Variants in BASP1 observed in about 807,000 individuals in gnomAD.
BASP1 encodes brain acid soluble protein 1.
In BASP1, 1 loss-of-function variant was observed where a neutral mutation model predicts 2.2. The ratio of observed to expected loss-of-function variants is 0.46; its 90% CI spans 0.16 to 2.17. The LOEUF (loss-of-function observed/expected upper bound fraction) is 2.17. BASP1 is among the 30% of genes most tolerant of loss of function. BASP1 has a pLI of 0.27. For synonymous variants in BASP1, 187 were observed against 154.2 expected (o/e 1.21, Z -1.58); for missense variants, 352 against 327.2 (o/e 1.08, Z -0.58).
intron 1 of BASP1, among the ~76,000 whole-genome samples, chr5:17,234,891 T>C (rs551798258): frequency 5.9e-5 from 9 of 152,340 alleles, no homozygotes; most frequent in Non-Finnish European, 8.8e-5. Context: ...AGATATTCAA[T>C]TGGCTATTAT....
At chr5:17,264,373 A>T (rs1335853727) in intron 1 of BASP1, among the ~76,000 whole-genome samples, 1 of 152,124 alleles carries the variant, frequency 6.6e-6, no homozygotes, top group African/African-American at 2.4e-5. Context: ...TATAAACCCA[A>T]CTTGTTGGTG....
At chr5:17,221,320 G>A (rs1196103295) in intron 1 of BASP1, among the ~76,000 whole-genome samples, 2 of 147,470 alleles carry the variant, frequency 1.4e-5, no homozygotes, top group Non-Finnish European at 3.0e-5. Context: ...CTAAATAAAA[G>A]ATTTATAAAA....
At chr5:17,219,713 T>C (rs1461101474) in intron 1 of BASP1, among the ~76,000 whole-genome samples, 2 of 152,222 alleles carry the variant, frequency 1.3e-5, no homozygotes, top group Non-Finnish European at 2.9e-5. Context: ...TCGAACAAGA[T>C]GGCCTACAAA....
intron 1 of BASP1, among the ~76,000 whole-genome samples, chr5:17,237,513 T>C (rs150735961): frequency 6.6e-6 from 1 of 152,186 alleles, no homozygotes; most frequent in African/African-American, 2.4e-5. Flanking sequence ...AGAAAGAAAA[T>C]TGCCTAAATC....
chr5:17,233,242 A>G (rs1021268841), intron 1 of BASP1, among the ~76,000 whole-genome samples: 2 of 152,198 alleles, frequency 1.3e-5, no homozygotes, highest in Non-Finnish European at 1.5e-5. Context: ...GAAATATAAG[A>G]TATTCTCATA....
intron 1 of BASP1, among the ~76,000 whole-genome samples, chr5:17,261,764 C>T (rs956886759): frequency 6.6e-6 from 1 of 152,202 alleles, no homozygotes; most frequent in Non-Finnish European, 1.5e-5. Flanking sequence ...ATCCTATCTT[C>T]CCATAGATAT....
At chr5:17,243,867 A>T (rs1367177502) in intron 1 of BASP1, among the ~76,000 whole-genome samples, 5 of 152,204 alleles carry the variant, frequency 3.3e-5, no homozygotes, top group Non-Finnish European at 7.3e-5. Context: ...AGAAAACAAA[A>T]CACTGCTGTG....
intron 1 of BASP1, among the ~76,000 whole-genome samples, chr5:17,226,679 C>T (rs1290127658): frequency 6.6e-6 from 1 of 152,184 alleles, no homozygotes; most frequent in African/African-American, 2.4e-5. Flanking sequence ...ATGTTCTCAG[C>T]TATTTCATTA....
At chr5:17,247,267 T>G (rs549194784) in intron 1 of BASP1, among the ~76,000 whole-genome samples, 7 of 152,240 alleles carry the variant, frequency 4.6e-5, no homozygotes, top group Non-Finnish European at 1.0e-4. Flanking sequence ...GTCAGTTGGA[T>G]TTCCGAATGT....
chr5:17,252,941 A>G lies in BASP1; in HGVS notation c.-9-22267A>G, dbSNP rs138826812. On this transcript the variant is annotated intron_variant, in intron 1 of 1. Transcript: ENST00000322611. ...ATGCAGTTTCTGTTGCAGCTCCTCA[A>G]CTCTGCTCTTGAGTGTGAAAGCACT... is the stretch of plus-strand genomic sequence containing the variant. 3.2e-3 allele frequency among the ~76,000 whole-genome samples: 482 copies of G among 152,134 alleles called. 4 individuals carry two copies. The highest frequency in any genetic ancestry group is 0.011 in the African/African-American group (461 of 41,500).
At chr5:17,253,901 C>T (rs1284338348) in intron 1 of BASP1, among the ~76,000 whole-genome samples, 1 of 151,878 alleles carries the variant, frequency 6.6e-6, no homozygotes, top group Non-Finnish European at 1.5e-5. Context: ...ACAGAGAAAT[C>T]CTTCAACATT....
At chr5:17,217,230 G>A (rs938361107), upstream of BASP1, among the ~76,000 whole-genome samples, 10 of 97,174 alleles carry the variant, frequency 1.0e-4, 1 homozygote, top group Admixed American at 3.2e-4. Context: ...TTTAGGAAAC[G>A]TTGGCGGGGC....
At chr5:17,257,530 TC>T (rs1400395633) in intron 1 of BASP1, among the ~76,000 whole-genome samples, 2 of 152,166 alleles carry the variant, frequency 1.3e-5, no homozygotes, top group Non-Finnish European at 2.9e-5. Flanking sequence ...CTGAACTATA[TC>T]CTTTACTGCA....
chr5:17,273,501 TCCC>T (rs1404026312), intron 1 of BASP1, among the ~76,000 whole-genome samples: 2 of 152,174 alleles, frequency 1.3e-5, no homozygotes, highest in African/African-American at 4.8e-5. Context: ...GCTTTTCTCT[TCCC>T]CCAACTACTG....
intron 1 of BASP1, among the ~76,000 whole-genome samples, chr5:17,225,736 C>T (rs182124385): frequency 7.0e-4 from 106 of 152,246 alleles, no homozygotes; most frequent in Non-Finnish European, 7.4e-4. Context: ...TGCACGTTGT[C>T]GTGGCAGGTG....
intron 1 of BASP1, among the ~76,000 whole-genome samples, chr5:17,232,876 A>G (rs1739663159): frequency 1.3e-5 from 2 of 152,238 alleles, no homozygotes; most frequent in Middle Eastern, 3.4e-3. Context: ...CTTAGTTTTA[A>G]CTAGGATTAT....
intron 1 of BASP1, among the ~76,000 whole-genome samples, chr5:17,245,490 T>A (rs987247077): frequency 6.6e-6 from 1 of 152,182 alleles, no homozygotes. Flanking sequence ...AAATATATGA[T>A]ATTATTGTAT....
rs776997712 is a variant in BASP1, at chr5:17,275,542, C to T, written c.326C>T (p.Ala109Val). The change falls in exon 2 of 2, where the codon GCG becomes GTG. Residue 109 changes from alanine to valine, a missense_variant. Ala to Val is a moderately conservative substitution (Grantham distance 64). Coordinates refer to ENST00000322611, the MANE Select transcript of BASP1 (RefSeq NM_006317.5). The surrounding 1 kb of genome is among the most constrained non-coding windows in gnomAD (Gnocchi z 5.3). ...EPPKAPEQEQ[A>V]APGPAAGGEA... ...CCGAAGGCGCCCGAGCAGGAGCAGG[C>T]GGCCCCCGGCCCCGCTGCGGGCGGC... 64 of 1,404,032 alleles carry T rather than the reference C, an allele frequency of 4.6e-5. No individual in the cohort carries two copies. In the South Asian group the frequency reaches 8.7e-4, roughly 19 times the overall value. 87.0% of individuals were successfully genotyped at this position (1,404,032 alleles called of 1,614,324 possible). A position where few individuals can be genotyped will look rare whatever the true frequency, so the allele number is the denominator to read the frequency against.
Position 17,260,374 on chromosome 5 carries a change from A to G in BASP1, c.-9-14834A>G, listed in dbSNP as rs777962532. 6.6e-6 allele frequency among the ~76,000 whole-genome samples: 1 copy of G among 152,216 alleles called. No individual in the cohort carries two copies. The highest frequency in any genetic ancestry group is 1.5e-5 in the Non-Finnish European group (1 of 68,038). ...TTTATGGTTAAATCTTGTAGAATCA[A>G]TTGGGAGATTCACCTTTAAAAATTG... On this transcript the variant is annotated intron_variant, in intron 1 of 1. Transcript: ENST00000322611. This position sits in a 1 kb window ranked among gnomAD's most constrained non-coding sequence, Gnocchi z 4.2.
Sources: gnomAD v4.1 joint callset for allele counts (sites outside exome capture counted in the v4.1 genomes callset) on GRCh38, gnomAD v4.1.1 for gene constraint, Gnocchi (gnomAD v3.1) non-coding constraint, MANE v1.5 for transcripts, NCBI Gene and HGNC (gene_info 2026-07-23, HGNC 2026-07-21) for gene names.